The following ZZZ3 variants were observed in gnomAD, a reference collection of about 807,000 sequenced individuals.
ZZZ3 encodes the protein ZZ-type zinc finger-containing protein 3.
ZZZ3 carries 22 observed loss-of-function variants against 95.2 expected under a neutral mutation model. The ratio of observed to expected loss-of-function variants is 0.23; its 90% CI spans 0.17 to 0.33. ZZZ3 has a LOEUF of 0.33. Ranked by LOEUF, ZZZ3 falls within the 10% of genes least tolerant of loss-of-function variation. The pLI is 1.00. For missense variants in ZZZ3, 885 were observed against 1,066.5 expected, an observed-to-expected ratio of 0.83 and a Z score of 2.37; for synonymous variants, 335 against 358.9, an observed-to-expected ratio of 0.93 and a Z score of 0.75.
chr1:77,652,624 T>C (rs1215040792), intron 1 of ZZZ3, among the ~76,000 whole-genome samples: 1 of 152,140 alleles, frequency 6.6e-6, no homozygotes, highest in Non-Finnish European at 1.5e-5. Context: ...AAAACATATG[T>C]CCACACAAAA....
At chr1:77,605,688 C>T (rs903006434) in intron 5 of ZZZ3, among the ~76,000 whole-genome samples, 22 of 152,170 alleles carry the variant, frequency 1.4e-4, no homozygotes, top group African/African-American at 4.1e-4. Flanking sequence ...ATGAGGCCCC[C>T]ATTCCAGGCC....
Position 77,632,694 on chromosome 1 carries a change from C to G in ZZZ3, c.661G>C (p.Asp221His). The G allele has an allele frequency of 6.2e-7, 1 of 1,614,186 alleles. No homozygotes were observed. Among genetic ancestry groups the G allele is most frequent in the South Asian group, 1.1e-5 (1 of 91,078 alleles). ...AVINCDDCQP[D>H]GNTKQNSIGS... ...ATGCTATTTTGTTTAGTGTTCCCATCAGGCTGACAGTCATCACAGTTTATA... is the reference window on the plus strand; with the variant it reads ...ATGCTATTTTGTTTAGTGTTCCCATGAGGCTGACAGTCATCACAGTTTATA... Residue 221 changes from aspartate to histidine, a missense_variant, in exon 5 of 15, where the codon GAT (aspartate) becomes CAT (histidine). This residue lies in a region of ZZZ3 where 556 missense variants were observed against 652.9 expected (regional missense o/e 0.85). Transcript: ENST00000370801.
At chr1:77,567,568 G>A (rs975315043) in intron 13 of ZZZ3, among the ~76,000 whole-genome samples, 1 of 152,166 alleles carries the variant, frequency 6.6e-6, no homozygotes, top group Admixed American at 6.6e-5. Flanking sequence ...TTTATAAGGC[G>A]GTGCAAGCAG....
chr1:77,646,093 ACTAGATT>A (rs1669243876), intron 1 of ZZZ3, among the ~76,000 whole-genome samples: 1 of 152,194 alleles, frequency 6.6e-6, no homozygotes, highest in Middle Eastern at 3.2e-3. Flanking sequence ...GAAATCCTAA[ACTAGATT>A]CTTCCTCCTA....
intron 1 of ZZZ3, among the ~76,000 whole-genome samples, chr1:77,659,649 C>G (rs969913226): frequency 6.8e-6 from 1 of 148,076 alleles, no homozygotes. Flanking sequence ...CGCCACGGCA[C>G]TCCAGCAGCC....
At chr1:77,573,146 T>G (rs1661576423) in intron 12 of ZZZ3, among the ~76,000 whole-genome samples, 1 of 151,084 alleles carries the variant, frequency 6.6e-6, no homozygotes, top group Non-Finnish European at 1.5e-5. Flanking sequence ...GAGCTGGAGT[T>G]TTTGCCCTTG....
At chr1:77,667,343 A>G (rs1278336165) in intron 1 of ZZZ3, among the ~76,000 whole-genome samples, 1 of 152,230 alleles carries the variant, frequency 6.6e-6, no homozygotes, top group Non-Finnish European at 1.5e-5. Flanking sequence ...CATGTAACAT[A>G]CCAAGGAATA....
intron 5 of ZZZ3, among the ~76,000 whole-genome samples, chr1:77,629,657 C>T (rs116439438): frequency 1.8e-3 from 267 of 152,144 alleles, no homozygotes; most frequent in African/African-American, 5.9e-3. Context: ...AAAAAAAGTG[C>T]TATCCTTCAA....
intron 1 of ZZZ3, among the ~76,000 whole-genome samples, chr1:77,656,315 G>A (rs532973774): frequency 3.3e-5 from 5 of 152,196 alleles, no homozygotes; most frequent in African/African-American, 1.2e-4. Flanking sequence ...TATCCTTAAG[G>A]ATGTTATTTA....
intron 5 of ZZZ3, among the ~76,000 whole-genome samples, chr1:77,618,233 C>CTTTTTTTTT (rs10597366): frequency 1.2e-5 from 1 of 81,038 alleles, no homozygotes; most frequent in Non-Finnish European, 2.2e-5. Context: ...CCAATGCAGC[C>CTTTTTTTTT]TTTTTTTTTT....
At chr1:77,581,182 T>A in intron 8 of ZZZ3, 113 bp from the exon 9 acceptor site, 1 of 863,394 alleles carries the variant, frequency 1.2e-6, no homozygotes, top group Non-Finnish European at 1.9e-6. Context: ...AATATTTGAG[T>A]AAATTTGTTT....
chr1:77,610,837 C>T (rs1261065815), intron 5 of ZZZ3, among the ~76,000 whole-genome samples: 1 of 151,348 alleles, frequency 6.6e-6, no homozygotes, highest in African/African-American at 2.4e-5. Context: ...ACAATAAAGG[C>T]CATATACAAC....
In ZZZ3 at chr1:77,633,244, T is replaced by C. The variant is rs1667980887; in HGVS notation, c.111A>G (p.Glu37=). 6.2e-7 allele frequency: 1 copy of C among 1,614,022 alleles called. No homozygotes were observed. The highest frequency in any genetic ancestry group is 8.5e-7 in the Non-Finnish European group (1 of 1,180,004). Residue 37 remains glutamate, a synonymous_variant, in exon 5 of 15, where the codon GAA becomes GAG. Coordinates refer to ENST00000370801, the MANE Select transcript of ZZZ3 (RefSeq NM_015534.6). ...GTACTTGAGAATTAGAAGAGATTTC[T>C]TCAGGATGCGCAATGCTACGATTCC... ...TLRNRSIAHP[E]EISSNSQVRS... is the part of the protein sequence containing the mutation.
At chr1:77,581,532 G>A (rs1332587494) in intron 8 of ZZZ3, among the ~76,000 whole-genome samples, 1 of 152,168 alleles carries the variant, frequency 6.6e-6, no homozygotes, top group Admixed American at 6.5e-5. Flanking sequence ...TACAAGATAG[G>A]TAATATCAAC....
rs776847410 is a variant in ZZZ3, at chr1:77,631,866, G to A, written c.1489C>T (p.Leu497=). The change falls in exon 5 of 15, where the codon CTG becomes TTG. Residue 497 remains leucine, a synonymous_variant. Transcript: ENST00000370801. ...VYYFESDHVA[L]KHNKDYQRLL... is the part of the protein sequence containing the mutation. ...TACACATACTCTTTGTTGTGTTTCA[G>A]TGCCACATGATCTGATTCAAAGTAA... 6.3e-7 allele frequency: 1 copy of A among 1,591,912 alleles called. No individual in the cohort carries two copies. The highest frequency in any genetic ancestry group is 1.1e-5 in the South Asian group (1 of 87,162).
chr1:77,607,919 C>G (rs1050451590), intron 5 of ZZZ3, among the ~76,000 whole-genome samples: 1 of 56,988 alleles, frequency 1.8e-5, no homozygotes, highest in South Asian at 6.0e-4. Flanking sequence ...GACTCTGTCT[C>G]AAAAAAAAAA....
At chr1:77,624,845 TAGGATGG>T (rs1253692590) in intron 5 of ZZZ3, among the ~76,000 whole-genome samples, 4 of 152,176 alleles carry the variant, frequency 2.6e-5, no homozygotes, top group Admixed American at 1.3e-4. Context: ...GGCAGTCTTG[TAGGATGG>T]AGACCTTAAC....
intron 5 of ZZZ3, among the ~76,000 whole-genome samples, chr1:77,619,513 A>G (rs1666642415): frequency 6.6e-6 from 1 of 152,192 alleles, no homozygotes; most frequent in African/African-American, 2.4e-5. Context: ...TCAAATTCTT[A>G]ACCACTCTGT....
intron 5 of ZZZ3, among the ~76,000 whole-genome samples, chr1:77,598,876 A>G (rs532991480): frequency 8.5e-5 from 13 of 152,302 alleles, no homozygotes; most frequent in Admixed American, 5.9e-4. Flanking sequence ...GACCTACTGT[A>G]GTTATATAAC....
Sources: gnomAD v4.1 joint callset for allele counts (sites outside exome capture counted in the v4.1 genomes callset) on GRCh38, gnomAD v4.1.1 for gene constraint, gnomAD v4.1.1 regional missense constraint, MANE v1.5 for transcripts, NCBI Gene and HGNC (gene_info 2026-07-23, HGNC 2026-07-21) for gene names.